RAB27B: variants seen among roughly 807,000 people sequenced by gnomAD.
The protein encoded by RAB27B is RAB27B, member RAS oncogene family.
RAB27B carries 15 observed loss-of-function variants against 24.6 expected under a neutral mutation model. The ratio of observed to expected loss-of-function variants is 0.61; its 90% CI spans 0.41 to 0.94. RAB27B has a LOEUF of 0.94. RAB27B is among the 40% of genes least tolerant of loss of function. The pLI is 0.00. For synonymous variants in RAB27B, 105 were observed against 92.5 expected, an observed-to-expected ratio of 1.14 and a Z score of -0.78; for missense variants, 261 against 266.8, an observed-to-expected ratio of 0.98 and a Z score of 0.15.
Position 54,877,606 on chromosome 18 carries a change from T to G in RAB27B, c.21T>G (p.Asp7Glu). ...TCACTATGACCGATGGAGACTATGA[T>G]TATCTGATCAAACTCCTGGCCCTCG... Reference protein sequence around the residue: MTDGDYDYLIKLLALGD... With the variant: MTDGDYEYLIKLLALGD... The change falls in exon 2 of 6, where the codon GAT becomes GAG. Residue 7 changes from aspartate to glutamate, a missense_variant. By Grantham distance (45) the Asp-to-Glu change is conservative (BLOSUM62 2). Transcript: ENST00000262094. 1 of 1,576,750 alleles carries G rather than the reference T, an allele frequency of 6.3e-7. No individual in the cohort carries two copies.
At chr18:54,823,861 G>A (rs1052778926), upstream of RAB27B, among the ~76,000 whole-genome samples, 7 of 151,936 alleles carry the variant, frequency 4.6e-5, no homozygotes, top group African/African-American at 1.7e-4. Flanking sequence ...TTTTATTAAG[G>A]TAATACATCT....
chr18:54,828,093 G>A (rs3764512), upstream of RAB27B: 1 of 151,776 alleles, frequency 6.6e-6, no homozygotes, highest in African/African-American at 2.4e-5. Context: ...TTTATTTCCC[G>A]AGGCCATCCT....
chr18:54,840,903 C>T (rs887262161), intron 1 of RAB27B, among the ~76,000 whole-genome samples: 2 of 152,092 alleles, frequency 1.3e-5, no homozygotes, highest in Non-Finnish European at 2.9e-5. Flanking sequence ...AATCCCAGCA[C>T]TTTGGGAGGC....
At chr18:54,763,651 G>A (rs73959299) in intron 2 of RAB27B, among the ~76,000 whole-genome samples, 6,657 of 152,184 alleles carry the variant, frequency 0.044, 210 homozygotes, top group Admixed American at 0.082. Flanking sequence ...AGTTCTGTTC[G>A]AAGGAGAGAG....
chr18:54,804,560 T>A (rs1909709099), intron 2 of RAB27B, among the ~76,000 whole-genome samples: 1 of 152,154 alleles, frequency 6.6e-6, no homozygotes, highest in South Asian at 2.1e-4. Context: ...TTATCAGCAG[T>A]GTGAAAACAG....
chr18:54,735,819 G>A (rs536732761), intron 2 of RAB27B, among the ~76,000 whole-genome samples: 4 of 152,308 alleles, frequency 2.6e-5, no homozygotes, highest in Middle Eastern at 3.4e-3. Context: ...ACCACTCCCA[G>A]CTGACACTTT....
At chr18:54,778,567 G>T (rs1049524801) in intron 2 of RAB27B, among the ~76,000 whole-genome samples, 3 of 152,130 alleles carry the variant, frequency 2.0e-5, no homozygotes, top group Non-Finnish European at 4.4e-5. Context: ...CAATTTGCTT[G>T]GTTCTAGGGA....
At chr18:54,874,609 T>C (rs1266600800) in intron 1 of RAB27B, among the ~76,000 whole-genome samples, 1 of 151,776 alleles carries the variant, frequency 6.6e-6, no homozygotes, top group African/African-American at 2.4e-5. Context: ...TTAAAGTATG[T>C]AGATGTGTCT....
At chr18:54,731,363 CATA>C (rs1568045183) in intron 2 of RAB27B, among the ~76,000 whole-genome samples, 2 of 152,198 alleles carry the variant, frequency 1.3e-5, no homozygotes, top group Admixed American at 6.5e-5. Context: ...GGCAAAAATT[CATA>C]ATGATATAGG....
chr18:54,757,554 C>A (rs546187002), intron 2 of RAB27B, among the ~76,000 whole-genome samples: 1 of 152,174 alleles, frequency 6.6e-6, no homozygotes, highest in East Asian at 1.9e-4. Context: ...TTATTTACAA[C>A]CTCTTGTATA....
chr18:54,727,290 A>G (rs1213725454), intron 2 of RAB27B, among the ~76,000 whole-genome samples: 1 of 152,108 alleles, frequency 6.6e-6, no homozygotes, highest in Admixed American at 6.6e-5. Context: ...TTATATATAT[A>G]TATATTTTAA....
intron 4 of RAB27B, among the ~76,000 whole-genome samples, chr18:54,884,865 C>G (rs949182762): frequency 1.3e-5 from 2 of 152,106 alleles, no homozygotes; most frequent in African/African-American, 4.8e-5. Flanking sequence ...GTGTTAAACA[C>G]TAGTGGGTTA....
At chr18:54,806,424 C>G (rs979874092) in intron 2 of RAB27B, among the ~76,000 whole-genome samples, 2 of 146,892 alleles carry the variant, frequency 1.4e-5, no homozygotes, top group African/African-American at 5.0e-5. Flanking sequence ...GTATATGTAG[C>G]CAAATGAATA....
rs777674032 is a variant in RAB27B at position 54,779,086 on chromosome 18, C to T, written c.-20+60945C>T. On this transcript the variant is annotated intron_variant, in intron 2 of 4. Transcript: ENST00000586570. Reference sequence around the variant, plus strand: ...ATCTCTTGAACTCATGATCTGTCTGCCTTGGCCTCCCAAAGTGCTAGGATT... The same window carrying T: ...ATCTCTTGAACTCATGATCTGTCTGTCTTGGCCTCCCAAAGTGCTAGGATT... Among the ~76,000 whole-genome samples the T allele has an allele frequency of 2.4e-4, 37 of 152,252 alleles. 1 individual carries two copies. The highest frequency in any genetic ancestry group is 6.5e-4 in the Admixed American group (10 of 15,298).
chr18:54,749,765 A>G (rs935043852), intron 2 of RAB27B, among the ~76,000 whole-genome samples: 3 of 152,192 alleles, frequency 2.0e-5, no homozygotes, highest in Admixed American at 1.3e-4. Context: ...GGAAGAAAGG[A>G]ATAACATTTT....
chr18:54,849,980 C>T (rs1229041588), intron 1 of RAB27B, among the ~76,000 whole-genome samples: 1 of 152,080 alleles, frequency 6.6e-6, no homozygotes, highest in East Asian at 2.0e-4. Flanking sequence ...GAAACTTAAT[C>T]TAACTAGTTA....
chr18:54,810,763 G>T (rs1313294987), intron 2 of RAB27B, among the ~76,000 whole-genome samples: 1 of 151,812 alleles, frequency 6.6e-6, no homozygotes, highest in African/African-American at 2.4e-5. Context: ...TGGGGAGGAG[G>T]CAGAGGTTGC....
intron 2 of RAB27B, among the ~76,000 whole-genome samples, chr18:54,816,301 G>T (rs1349534984): frequency 1.3e-5 from 2 of 152,188 alleles, no homozygotes; most frequent in South Asian, 4.1e-4. Flanking sequence ...GATAATAGTT[G>T]CTTCTACATC....
At chr18:54,770,769 A>G (rs1050852001) in intron 2 of RAB27B, among the ~76,000 whole-genome samples, 2 of 151,990 alleles carry the variant, frequency 1.3e-5, no homozygotes, top group African/African-American at 4.8e-5. Flanking sequence ...GTTGTTTAAT[A>G]GCAGACGTAT....
Sources: allele counts gnomAD v4.1 joint callset (sites outside exome capture counted in the v4.1 genomes callset), GRCh38; gene constraint gnomAD v4.1.1; transcripts MANE v1.5; gene names NCBI Gene and HGNC (gene_info 2026-07-23, HGNC 2026-07-21).